LRRC8A: variants seen among roughly 807,000 people sequenced by gnomAD.
LRRC8A encodes volume-regulated anion channel subunit LRRC8A.
A neutral mutation model predicts 52.5 loss-of-function variants in LRRC8A; 24 were observed. The ratio of observed to expected loss-of-function variants is 0.46; its 90% CI spans 0.33 to 0.64. The LOEUF is 0.64. Among genes scored for constraint, LRRC8A ranks in the 30% least tolerant of loss-of-function variants. The probability of loss-of-function intolerance (pLI) is 0.02; values close to 1 mark genes in which losing one functional copy is unlikely to be tolerated. For synonymous variants in LRRC8A, 492 were observed against 494.2 expected (o/e 1.00, Z 0.06); for missense variants, 677 against 1,094.7 (o/e 0.62, Z 5.38).
chr9:128,894,583 A>G (rs1226821635), intron 2 of LRRC8A, among the ~76,000 whole-genome samples: 4 of 151,974 alleles, frequency 2.6e-5, no homozygotes, highest in South Asian at 4.1e-4. Context: ...ACTTGAGGTC[A>G]GGAGTTTGAG....
Position 128,917,332 on chromosome 9 carries a change from C to T in LRRC8A, c.*961C>T, listed in dbSNP as rs548631339. ...TTTGTTTTTTGGGTTTTTTTGGTGT[C>T]TTGTTTTCTTTCTCCTCCATGTGTC... On this transcript the variant is annotated 3_prime_UTR_variant, in exon 4 of 4. Coordinates refer to ENST00000372600, the MANE Select transcript of LRRC8A (RefSeq NM_019594.4). 4.6e-5 allele frequency: 7 copies of T among 152,364 alleles called. No individual in the cohort carries two copies. Among genetic ancestry groups the T allele is most frequent in the Admixed American group, 2.0e-4 (3 of 15,230 alleles). 9.4% of individuals were successfully genotyped at this position (152,364 alleles called of 1,614,324 possible). A position where few individuals can be genotyped will look rare whatever the true frequency, so the allele number is the denominator to read the frequency against.
chr9:128,887,188 T>G (rs1252197034), intron 2 of LRRC8A, among the ~76,000 whole-genome samples: 3 of 152,188 alleles, frequency 2.0e-5, no homozygotes, highest in Non-Finnish European at 4.4e-5. Context: ...GGACAGGGTC[T>G]CACTCTGTTG....
chr9:128,909,426 CT>C lies in LRRC8A; in HGVS notation c.2157+106del, dbSNP rs1446010318. On this transcript the variant is annotated intron_variant, in intron 3 of 3. Coordinates refer to ENST00000372600, the MANE Select transcript of LRRC8A (RefSeq NM_019594.4). ...CAGTGTCCTGGGACCGTCGATGCCC[CT>C]GAGTGTGGAGTCCTCACCTGGGGTT... 8.5e-5 allele frequency: 97 copies of C among 1,135,246 alleles called. 1 individual carries two copies. The Admixed American group carries it at 1.9e-3, about 22-fold the overall frequency. The allele number at this position is 1,135,246 out of a possible 1,614,324, so 70.3% of individuals were successfully genotyped here. A position where few individuals can be genotyped will look rare whatever the true frequency, so the allele number is the denominator to read the frequency against.
chr9:128,907,357 T>A lies in LRRC8A; in HGVS notation c.193T>A (p.Cys65Ser). The change falls in exon 3 of 4, where the codon TGC becomes AGC. Residue 65 changes from cysteine to serine, a missense_variant. Cys to Ser is a moderately radical substitution (Grantham distance 112). Coordinates refer to ENST00000372600, the MANE Select transcript of LRRC8A (RefSeq NM_019594.4). The surrounding 1 kb of genome is among the most constrained non-coding windows in gnomAD (Gnocchi z 9.3). ...TTGTAAGTGGGTCACCAAGGACTCC[T>A]GCAATGATTCGTTCCGGGGCTGGGC... is the stretch of plus-strand genomic sequence containing the variant. ...LPCKWVTKDSCNDSFRGWAAP... is the reference protein window; with the variant it reads ...LPCKWVTKDSSNDSFRGWAAP... 1 of 1,613,820 alleles carries A rather than the reference T, an allele frequency of 6.2e-7. No individual in the cohort carries two copies. The highest frequency in any genetic ancestry group is 8.5e-7 in the Non-Finnish European group (1 of 1,180,006).
intron 2 of LRRC8A, among the ~76,000 whole-genome samples, chr9:128,887,795 C>T (rs1839453469): frequency 6.6e-6 from 1 of 152,092 alleles, no homozygotes; most frequent in African/African-American, 2.4e-5. Flanking sequence ...GCGCCCGCCA[C>T]CACGCCCGGC....
chr9:128,886,250 A>G (rs929585543), intron 2 of LRRC8A, 129 bp downstream of exon 2: 5 of 152,284 alleles, frequency 3.3e-5, no homozygotes, highest in African/African-American at 1.2e-4. Flanking sequence ...GGTCCAGGGT[A>G]GAGTGGCAGA....
chr9:128,888,693 C>T (rs552484823), intron 2 of LRRC8A, among the ~76,000 whole-genome samples: 4 of 152,204 alleles, frequency 2.6e-5, no homozygotes, highest in East Asian at 1.9e-4. Context: ...GCTGCGAGAG[C>T]GTCTGGCAGG....
intron 2 of LRRC8A, among the ~76,000 whole-genome samples, chr9:128,906,713 A>G (rs1250819985): frequency 1.3e-5 from 2 of 152,196 alleles, no homozygotes; most frequent in Admixed American, 6.5e-5. Context: ...GAATCCCTCC[A>G]GCCCTTTGCT....
chr9:128,908,183 T>C lies in LRRC8A; in HGVS notation c.1019T>C (p.Leu340Pro), dbSNP rs1840335576. The C allele has an allele frequency of 6.2e-7, 1 of 1,614,024 alleles. No individual in the cohort carries two copies. Among genetic ancestry groups the C allele is most frequent in the Non-Finnish European group, 8.5e-7 (1 of 1,180,028 alleles). Residue 340 changes from leucine (L) to proline (P), a missense_variant, in exon 3 of 4, where the codon CTG (leucine) becomes CCG (proline). Around this residue, in one of 4 missense-constraint regions of LRRC8A, gnomAD observed 422 missense variants for 741.5 expected, o/e 0.57. Transcript: ENST00000372600. ...IFYGLICMYT[L>P]WWMLRRSLKK... ...TACGGCCTCATCTGCATGTATACAC[T>C]GTGGTGGATGCTACGGCGCTCCCTC...
Position 128,894,792 on chromosome 9 carries a change from C to CA in LRRC8A, c.-9+8688dup, listed in dbSNP as rs34427753. On this transcript the variant is annotated intron_variant, in intron 2 of 3. Transcript: ENST00000372600. ...TTGGCAACAGAGTGAGACTCTACCT[C>CA]AAAAAAAAAAAAAAAAAGATATCAT... 4.9e-5 allele frequency among the ~76,000 whole-genome samples: 6 copies of CA among 123,398 alleles called. No individual in the cohort carries two copies. In the South Asian group the frequency reaches 1.1e-3, roughly 22 times the overall value. 81.0% of individuals were successfully genotyped at this position (123,398 alleles called of 152,430 possible). A position where few individuals can be genotyped will look rare whatever the true frequency, so the allele number is the denominator to read the frequency against.
intron 2 of LRRC8A, among the ~76,000 whole-genome samples, chr9:128,905,502 G>A (rs1186238763): frequency 6.6e-6 from 1 of 152,160 alleles, no homozygotes; most frequent in Non-Finnish European, 1.5e-5. Flanking sequence ...CTCAGCCAGT[G>A]TTTCCCAAGC....
chr9:128,891,894 G>A (rs1161735478), intron 2 of LRRC8A, among the ~76,000 whole-genome samples: 1 of 152,198 alleles, frequency 6.6e-6, no homozygotes, highest in Non-Finnish European at 1.5e-5. Flanking sequence ...TCCTAGCTGT[G>A]TGGCCTTGGG....
At chr9:128,894,161 G>A (rs1027525706) in intron 2 of LRRC8A, among the ~76,000 whole-genome samples, 6 of 151,826 alleles carry the variant, frequency 4.0e-5, no homozygotes, top group African/African-American at 1.5e-4. Flanking sequence ...GATTACAGGC[G>A]TGAGCCACCG....
chr9:128,911,671 T>TTGCCTGTTAGTGTCA lies in LRRC8A; in HGVS notation c.2157+2357_2157+2371dup, dbSNP rs1301165244. Among the ~76,000 whole-genome samples the TTGCCTGTTAGTGTCA allele has an allele frequency of 1.3e-5, 2 of 151,966 alleles. No individual in the cohort carries two copies. Among genetic ancestry groups the TTGCCTGTTAGTGTCA allele is most frequent in the Non-Finnish European group, 2.9e-5 (2 of 67,960 alleles). ...CCACCCCCAGCTCCTCCCGCCAAGCTTGCCTGTTAGTGTCATGCCTGCTGG... is the reference window on the plus strand; with the variant it reads ...CCACCCCCAGCTCCTCCCGCCAAGCTTGCCTGTTAGTGTCATGCCTGTTAGTGTCATGCCTGCTGG... On this transcript the variant is annotated intron_variant, in intron 3 of 3. Coordinates refer to ENST00000372600, the MANE Select transcript of LRRC8A (RefSeq NM_019594.4). This position sits in a 1 kb window ranked among gnomAD's most constrained non-coding sequence, Gnocchi z 4.9.
intron 2 of LRRC8A, among the ~76,000 whole-genome samples, chr9:128,905,822 G>A (rs1275215470): frequency 6.6e-6 from 1 of 151,832 alleles, no homozygotes; most frequent in Non-Finnish European, 1.5e-5. Flanking sequence ...CCAGCCTGGC[G>A]ACAGAGCAAG....
At chr9:128,883,124 G>T (rs1454572188) in intron 1 of LRRC8A, among the ~76,000 whole-genome samples, 1 of 152,194 alleles carries the variant, frequency 6.6e-6, no homozygotes, top group Non-Finnish European at 1.5e-5. Context: ...CCTCCTGATG[G>T]AGACTTGGCT....
At chr9:128,905,949 C>T (rs905481191) in intron 2 of LRRC8A, among the ~76,000 whole-genome samples, 4 of 152,136 alleles carry the variant, frequency 2.6e-5, no homozygotes, top group East Asian at 1.9e-4. Flanking sequence ...TTTATACACA[C>T]GCAACCAGAG....
chr9:128,902,181 G>A lies in LRRC8A; in HGVS notation c.-8-4976G>A, dbSNP rs765780907. Among the ~76,000 whole-genome samples, 15 of 152,324 alleles carry A rather than the reference G, an allele frequency of 9.8e-5. No homozygotes were observed. Among genetic ancestry groups the A allele is most frequent in the Non-Finnish European group, 2.2e-4 (15 of 68,018 alleles). The stretch of plus-strand genomic sequence containing the variant: ...CTCAAACTGGAGAGAGGAACCTGAA[G>A]CAGAAGTCCCACCTTGATCATTTTT... On this transcript the variant is annotated intron_variant, in intron 2 of 3. Transcript: ENST00000372600. This position sits in a 1 kb window ranked among gnomAD's most constrained non-coding sequence, Gnocchi z 4.1.
chr9:128,894,400 C>T (rs999647896), intron 2 of LRRC8A, among the ~76,000 whole-genome samples: 1 of 151,656 alleles, frequency 6.6e-6, no homozygotes, highest in African/African-American at 2.4e-5. Context: ...AGGAGAATGG[C>T]GTGAACCTGG....
Sources: gnomAD v4.1 joint callset for allele counts (sites outside exome capture counted in the v4.1 genomes callset) on GRCh38, gnomAD v4.1.1 for gene constraint, gnomAD v4.1.1 regional missense constraint, Gnocchi (gnomAD v3.1) non-coding constraint, MANE v1.5 for transcripts, NCBI Gene and HGNC (gene_info 2026-07-23, HGNC 2026-07-21) for gene names.